Variants in STT3B observed in about 807,000 individuals in gnomAD.
STT3B encodes dolichyl-diphosphooligosaccharide--protein glycosyltransferase subunit STT3B.
STT3B carries 29 observed loss-of-function variants against 96.8 expected under a neutral mutation model. That is an observed-to-expected ratio of 0.30 (90% confidence interval 0.22 to 0.41). The LOEUF (loss-of-function observed/expected upper bound fraction) is 0.41, where lower values mean the gene tolerates loss of function less well. Among genes scored for constraint, STT3B ranks in the 10% least tolerant of loss-of-function variants. STT3B has a pLI of 1.00. For missense variants in STT3B, 640 were observed against 1,022.3 expected, an observed-to-expected ratio of 0.63 and a Z score of 5.10; for synonymous variants, 367 against 360.0, an observed-to-expected ratio of 1.02 and a Z score of -0.22.
chr3:31,571,122 T>G (rs1399370488), intron 1 of STT3B, among the ~76,000 whole-genome samples: 1 of 152,146 alleles, frequency 6.6e-6, no homozygotes, highest in African/African-American at 2.4e-5. Context: ...AGAAAAAAAT[T>G]ACATAGGTAT....
chr3:31,615,004 C>A, intron 5 of STT3B, 101 bp from the exon 6 acceptor site: 1 of 598,432 alleles, frequency 1.7e-6, no homozygotes. Flanking sequence ...TTCTTAAATT[C>A]AGTTAATACT....
At chr3:31,551,193 T>G (rs1697547968) in intron 1 of STT3B, among the ~76,000 whole-genome samples, 4 of 147,206 alleles carry the variant, frequency 2.7e-5, no homozygotes, top group Admixed American at 7.1e-5. Flanking sequence ...TTGTGGTTTT[T>G]GGGTGTTTTT....
chr3:31,567,066 T>C (rs893673328), intron 1 of STT3B, among the ~76,000 whole-genome samples: 2 of 152,224 alleles, frequency 1.3e-5, no homozygotes, highest in African/African-American at 2.4e-5. Context: ...CAAACTGTCA[T>C]TATGCTCTCT....
At position 31,533,272 on chromosome 3, in the gene STT3B, G is replaced by A. The variant is rs1365972051; in HGVS notation, c.274G>A (p.Val92Ile). Residue 92 changes from valine to isoleucine, a missense_variant, in exon 1 of 16, where the codon GTC becomes ATC. Val to Ile is a conservative substitution (Grantham distance 29). This residue lies in a region of STT3B where 267 missense variants were observed against 388.3 expected (regional missense o/e 0.69). Coordinates refer to ENST00000295770, the MANE Select transcript of STT3B (RefSeq NM_178862.3). The part of the protein sequence containing the change: ...LAGFSSRLFA[V>I]IRFESIIHEF... Reference sequence around the variant, plus strand: ...CGGCTTCAGCTCGCGCCTCTTCGCCGTCATCCGCTTCGAAAGCATCATCCA... The same window carrying A: ...CGGCTTCAGCTCGCGCCTCTTCGCCATCATCCGCTTCGAAAGCATCATCCA... 2 of 1,525,690 alleles carry A rather than the reference G, an allele frequency of 1.3e-6. No homozygotes were observed. Among genetic ancestry groups the A allele is most frequent in the African/African-American group, 1.4e-5 (1 of 69,692 alleles). The allele number at this position is 1,525,690 out of a possible 1,614,324, so 94.5% of individuals were successfully genotyped here.
chr3:31,537,514 G>A (rs139177281), intron 1 of STT3B, among the ~76,000 whole-genome samples: 1 of 152,220 alleles, frequency 6.6e-6, no homozygotes, highest in East Asian at 1.9e-4. Flanking sequence ...CTCCCATTTC[G>A]GTTGAGTGTG....
At position 31,632,925 on chromosome 3, in the gene STT3B, A is replaced by T; in HGVS notation, c.2188-10A>T. 6.2e-7 allele frequency: 1 copy of T among 1,612,698 alleles called. No homozygotes were observed. The highest frequency in any genetic ancestry group is 8.5e-7 in the Non-Finnish European group (1 of 1,179,144). ...ATGGTTAACACCCAATAATAATGTC[A>T]CTTTTGCAGCTGGATTTTCGTACAC... On this transcript the variant is annotated splice_polypyrimidine_tract_variant and intron_variant, in intron 14 of 15. Coordinates refer to ENST00000295770, the MANE Select transcript of STT3B (RefSeq NM_178862.3).
At chr3:31,574,828 A>G (rs1698230514) in intron 1 of STT3B, among the ~76,000 whole-genome samples, 1 of 152,114 alleles carries the variant, frequency 6.6e-6, no homozygotes, top group South Asian at 2.1e-4. Context: ...TTTAAGTTGT[A>G]CTTCAGTATT....
chr3:31,547,009 G>A (rs758865913), intron 1 of STT3B, among the ~76,000 whole-genome samples: 1 of 152,174 alleles, frequency 6.6e-6, no homozygotes, highest in Non-Finnish European at 1.5e-5. Flanking sequence ...CCTACCTGTT[G>A]TACCCCTTCC....
chr3:31,624,845 T>C, intron 11 of STT3B, 69 bp from the exon 12 acceptor site: 1 of 1,294,932 alleles, frequency 7.7e-7, no homozygotes, highest in Non-Finnish European at 1.1e-6. Flanking sequence ...GTTTAATACC[T>C]CAAGATTTTA....
intron 1 of STT3B, among the ~76,000 whole-genome samples, chr3:31,557,997 T>G (rs1697765331): frequency 6.6e-6 from 1 of 152,236 alleles, no homozygotes; most frequent in Admixed American, 6.5e-5. Context: ...CATATAAAAA[T>G]GAATCAGTAC....
intron 11 of STT3B, among the ~76,000 whole-genome samples, chr3:31,624,576 G>A (rs1434980075): frequency 1.3e-5 from 2 of 151,848 alleles, no homozygotes; most frequent in African/African-American, 4.8e-5. Flanking sequence ...GCTGATTTAT[G>A]TATTGCCATG....
chr3:31,566,774 C>T (rs1328343445), intron 1 of STT3B, among the ~76,000 whole-genome samples: 1 of 152,148 alleles, frequency 6.6e-6, no homozygotes, highest in Non-Finnish European at 1.5e-5. Context: ...TTCTCCTCTA[C>T]TCCCCCCAGC....
rs764060992 is a variant in STT3B at position 31,623,170 on chromosome 3, A to AT, written c.1540-498dup. Among the ~76,000 whole-genome samples, 5 of 152,120 alleles carry AT rather than the reference A, an allele frequency of 3.3e-5. No individual in the cohort carries two copies. The South Asian group carries it at 8.3e-4, about 25-fold the overall frequency. ...CTTCCCTTTTCTGTTGGGGAAGGTG[A>AT]TTTTTTAAGGTAATCGTAGTTTTAA... On this transcript the variant is annotated intron_variant, in intron 10 of 15. Transcript: ENST00000295770.
chr3:31,552,352 C>G (rs1204175034), intron 1 of STT3B, among the ~76,000 whole-genome samples: 1 of 152,154 alleles, frequency 6.6e-6, no homozygotes, highest in East Asian at 1.9e-4. Flanking sequence ...AGACATGATT[C>G]TAGTTTAGTG....
At chr3:31,621,943 TAATC>T (rs1488779902) in intron 9 of STT3B, among the ~76,000 whole-genome samples, 150 bp from the exon 10 acceptor site, 13 of 152,222 alleles carry the variant, frequency 8.5e-5, no homozygotes, top group Non-Finnish European at 1.5e-4. Context: ...TGTGGCTAAT[TAATC>T]AGTTGTTCAG....
intron 1 of STT3B, among the ~76,000 whole-genome samples, chr3:31,549,788 A>G (rs1002926710): frequency 6.6e-6 from 1 of 152,182 alleles, no homozygotes; most frequent in African/African-American, 2.4e-5. Flanking sequence ...TAATATATGA[A>G]TAGTTATGCC....
chr3:31,534,827 C>T (rs1484508083), intron 1 of STT3B, among the ~76,000 whole-genome samples: 1 of 152,028 alleles, frequency 6.6e-6, no homozygotes, highest in Non-Finnish European at 1.5e-5. Context: ...TAAAAAATAA[C>T]CTTTTTGTTA....
intron 1 of STT3B, among the ~76,000 whole-genome samples, chr3:31,572,631 G>A (rs141710892): frequency 2.0e-4 from 30 of 152,324 alleles, no homozygotes; most frequent in African/African-American, 7.2e-4. Flanking sequence ...AGAGGCTGAA[G>A]TGAGAGGATT....
intron 14 of STT3B, among the ~76,000 whole-genome samples, chr3:31,631,334 A>T (rs1197479400): frequency 6.6e-6 from 1 of 152,214 alleles, no homozygotes; most frequent in Non-Finnish European, 1.5e-5. Flanking sequence ...TGAAGGCCAC[A>T]CTTGGTCTTT....
Sources: gnomAD v4.1 joint callset for allele counts (sites outside exome capture counted in the v4.1 genomes callset) on GRCh38, gnomAD v4.1.1 for gene constraint, gnomAD v4.1.1 regional missense constraint, MANE v1.5 for transcripts, NCBI Gene and HGNC (gene_info 2026-07-23, HGNC 2026-07-21) for gene names.